The following SDK1 variants were observed in gnomAD, a reference collection of about 807,000 sequenced individuals.
The protein encoded by SDK1 is protein sidekick-1.
SDK1 carries 157 observed loss-of-function variants against 245.5 expected under a neutral mutation model. The observed-to-expected ratio is 0.64, with a 90% CI of 0.56 to 0.73. The LOEUF (loss-of-function observed/expected upper bound fraction) is 0.73. SDK1 is among the 30% of genes least tolerant of loss of function. The probability of loss-of-function intolerance (pLI) is 0.00; values close to 1 mark genes in which losing one functional copy is unlikely to be tolerated. For missense variants in SDK1, 3,583 were observed against 3,002.3 expected, an observed-to-expected ratio of 1.19 and a Z score of -4.52; for synonymous variants, 1,647 against 1,278.5, an observed-to-expected ratio of 1.29 and a Z score of -6.15.
chr7:4,156,980 C>T (rs564054037), intron 30 of SDK1, among the ~76,000 whole-genome samples: 6 of 152,296 alleles, frequency 3.9e-5, no homozygotes, highest in African/African-American at 1.4e-4. Flanking sequence ...GGTCTGGAAA[C>T]TGAGGAGGAT....
At chr7:3,615,710 C>G (rs1781746603) in intron 1 of SDK1, among the ~76,000 whole-genome samples, 1 of 151,612 alleles carries the variant, frequency 6.6e-6, no homozygotes, top group Non-Finnish European at 1.5e-5. Context: ...ACCAATCTAT[C>G]ACTGAATCTT....
At chr7:3,900,004 C>G (rs1039082934) in intron 5 of SDK1, among the ~76,000 whole-genome samples, 1 of 152,182 alleles carries the variant, frequency 6.6e-6, no homozygotes, top group Non-Finnish European at 1.5e-5. Context: ...ATATTTCAGC[C>G]ATGTGGAAAG....
intron 1 of SDK1, among the ~76,000 whole-genome samples, chr7:3,384,644 C>T (rs903545540): frequency 2.6e-5 from 4 of 152,210 alleles, no homozygotes; most frequent in Admixed American, 6.5e-5. Flanking sequence ...TCTTGAGATA[C>T]GCTGTTAGAT....
intron 22 of SDK1, 76 bp downstream of exon 22, chr7:4,079,660 C>A: frequency 1.3e-6 from 2 of 1,574,810 alleles, no homozygotes; most frequent in African/African-American, 1.3e-5. Context: ...GGTACCCCTG[C>A]AGATGATGGC....
Position 3,664,420 on chromosome 7 carries a change from A to G in SDK1, c.713+22315A>G, listed in dbSNP as rs934066229. On this transcript the variant is annotated intron_variant, in intron 4 of 44. Coordinates refer to ENST00000404826, the MANE Select transcript of SDK1 (RefSeq NM_152744.4). The stretch of plus-strand genomic sequence containing the variant: ...TGTATATTTTCTTCTGGAATATTAC[A>G]GCCTTTTTCATTGTGCTTATAAATT... Among the ~76,000 whole-genome samples, 3 of 152,146 alleles carry G rather than the reference A, an allele frequency of 2.0e-5. No homozygotes were observed. The East Asian group carries it at 5.8e-4, about 29-fold the overall frequency.
chr7:4,249,287 C>A (rs569990794), intron 44 of SDK1, among the ~76,000 whole-genome samples: 1 of 152,160 alleles, frequency 6.6e-6, no homozygotes, highest in Non-Finnish European at 1.5e-5. Context: ...AGAGGCAGAC[C>A]TCAGCATCTA....
intron 1 of SDK1, among the ~76,000 whole-genome samples, chr7:3,364,286 T>A (rs993097854): frequency 2.0e-5 from 3 of 152,244 alleles, no homozygotes; most frequent in Admixed American, 6.5e-5. Context: ...TTTTTAATTT[T>A]GATGAAGTCA....
At chr7:3,338,392 T>C (rs529643864) in intron 1 of SDK1, 10 of 528,926 alleles carry the variant, frequency 1.9e-5, no homozygotes, top group African/African-American at 1.7e-4. Context: ...AGAACTAATG[T>C]GCGTGTTGAG....
intron 2 of SDK1, among the ~76,000 whole-genome samples, chr7:3,628,327 T>C (rs1486086245): frequency 1.3e-5 from 2 of 152,114 alleles, no homozygotes; most frequent in African/African-American, 4.8e-5. Flanking sequence ...CTAGAGTATA[T>C]ATATATGTAT....
intron 20 of SDK1, among the ~76,000 whole-genome samples, chr7:4,070,170 A>G (rs542044781): frequency 2.0e-5 from 3 of 152,316 alleles, no homozygotes; most frequent in African/African-American, 7.2e-5. Context: ...TGAAAGAAAT[A>G]ATACTTGCAT....
At chr7:3,790,812 A>C (rs1364955473) in intron 4 of SDK1, among the ~76,000 whole-genome samples, 1 of 152,090 alleles carries the variant, frequency 6.6e-6, no homozygotes, top group African/African-American at 2.4e-5. Context: ...ACACACACAC[A>C]AAACCAAGTC....
rs567878280 is a variant in SDK1, at chr7:3,304,113, C to T, written c.298+2229C>T. 5.8e-4 allele frequency among the ~76,000 whole-genome samples: 89 copies of T among 152,320 alleles called. 1 individual carries two copies. Among genetic ancestry groups the T allele is most frequent in the African/African-American group, 2.0e-3 (84 of 41,558 alleles). On this transcript the variant is annotated intron_variant, in intron 1 of 44. Coordinates refer to ENST00000404826, the MANE Select transcript of SDK1 (RefSeq NM_152744.4). ...TTTTATAACCTAGGTTACAGACCCT[C>T]TATGTAACTGATCATGATGGGAACC...
chr7:3,448,379 T>C (rs1266567425), intron 1 of SDK1, among the ~76,000 whole-genome samples: 5 of 152,170 alleles, frequency 3.3e-5, no homozygotes, highest in Non-Finnish European at 7.3e-5. Flanking sequence ...TTTCTGGGAG[T>C]AGTTTTTATA....
At chr7:3,736,869 T>C (rs142744711) in intron 4 of SDK1, among the ~76,000 whole-genome samples, 1 of 152,364 alleles carries the variant, frequency 6.6e-6, no homozygotes, top group East Asian at 1.9e-4. Context: ...GTCACCACGC[T>C]GTAGCTTAGA....
At chr7:3,848,454 G>T (rs1780335634) in intron 5 of SDK1, among the ~76,000 whole-genome samples, 1 of 152,174 alleles carries the variant, frequency 6.6e-6, no homozygotes, top group Admixed American at 6.5e-5. Context: ...TCGTGAAAGG[G>T]AAGTTGAGAG....
intron 7 of SDK1, chr7:3,958,315 A>C (rs944645893): frequency 3.6e-6 from 1 of 276,486 alleles, no homozygotes; most frequent in Admixed American, 5.2e-5. Context: ...TTCATTGTTT[A>C]ATACAACCAC....
intron 1 of SDK1, among the ~76,000 whole-genome samples, chr7:3,366,733 GTTT>G (rs1781102070): frequency 2.0e-5 from 3 of 151,898 alleles, no homozygotes; most frequent in African/African-American, 7.3e-5. Flanking sequence ...GATAATTATT[GTTT>G]TTATTTTATT....
At chr7:3,851,365 T>A (rs1033315908) in intron 5 of SDK1, among the ~76,000 whole-genome samples, 7 of 152,224 alleles carry the variant, frequency 4.6e-5, no homozygotes, top group African/African-American at 1.7e-4. Context: ...ATTTCCTTTT[T>A]ATGTTAATAA....
chr7:3,529,981 G>A (rs1783285144), intron 1 of SDK1, among the ~76,000 whole-genome samples: 1 of 152,138 alleles, frequency 6.6e-6, no homozygotes, highest in South Asian at 2.1e-4. Context: ...TATGTGATAA[G>A]TACCTTTGTG....
Sources: gnomAD v4.1 joint callset for allele counts (sites outside exome capture counted in the v4.1 genomes callset) on GRCh38, gnomAD v4.1.1 for gene constraint, MANE v1.5 for transcripts, NCBI Gene and HGNC (gene_info 2026-07-23, HGNC 2026-07-21) for gene names.